The following ZNHIT6 variants were observed in gnomAD, a reference collection of about 807,000 sequenced individuals.
The protein encoded by ZNHIT6 is zinc finger HIT-type containing 6, also known as box C/D snoRNA protein 1.
In ZNHIT6, 45 loss-of-function variants were observed where a neutral mutation model predicts 57.2. The observed-to-expected ratio is 0.79, with a 90% CI of 0.62 to 1.01. The LOEUF is 1.01. Ranked by LOEUF, ZNHIT6 falls within the 50% of genes least tolerant of loss-of-function variation. The probability of loss-of-function intolerance (pLI) is 0.00; values close to 1 mark genes in which losing one functional copy is unlikely to be tolerated. For synonymous variants in ZNHIT6, 188 were observed against 190.0 expected (o/e 0.99, Z 0.09); for missense variants, 528 against 567.3 (o/e 0.93, Z 0.70).
At chr1:85,679,082 C>T (rs1486999156) in intron 6 of ZNHIT6, among the ~76,000 whole-genome samples, 1 of 151,786 alleles carries the variant, frequency 6.6e-6, no homozygotes. Context: ...CATGAAAAGA[C>T]GAGGTCAGGA....
At chr1:85,690,429 A>G (rs2100699617) in intron 5 of ZNHIT6, among the ~76,000 whole-genome samples, 1 of 152,336 alleles carries the variant, frequency 6.6e-6, no homozygotes, top group East Asian at 1.9e-4. Flanking sequence ...ACCTAGAAAT[A>G]AAAACTATTT....
At chr1:85,668,996 A>C (rs2995537) in intron 8 of ZNHIT6, among the ~76,000 whole-genome samples, 61,310 of 151,974 alleles carry the variant, frequency 0.4, 13,545 homozygotes, top group South Asian at 0.57. Flanking sequence ...GTAAAAAAAA[A>C]AAATGTAGGT....
chr1:85,678,876 G>A, intron 6 of ZNHIT6, 95 bp from the exon 7 acceptor site: 1 of 651,634 alleles, frequency 1.5e-6, no homozygotes, highest in South Asian at 2.6e-5. Context: ...TGGCTTTTTT[G>A]GTTTAAATAA....
At position 85,708,144 on chromosome 1, in the gene ZNHIT6, C is replaced by A. The variant is rs1167073572; in HGVS notation, c.141G>T (p.Glu47Asp). The A allele has an allele frequency of 1.2e-6, 2 of 1,614,068 alleles. No homozygotes were observed. The highest frequency in any genetic ancestry group is 2.7e-5 in the African/African-American group (2 of 74,934). Residue 47 changes from glutamate to aspartate, a missense_variant, in exon 1 of 10, where the codon GAG becomes GAT. Coordinates refer to ENST00000370574, the MANE Select transcript of ZNHIT6 (RefSeq NM_017953.4). ...AGAEEFGGGE[E>D]GTGLTGIKEI... Reference sequence around the variant, plus strand: ...CCTTTATCCCTGTCAGCCCTGTCCCCTCCTCTCCGCCGCCGAACTCCTCCG... The same window carrying A: ...CCTTTATCCCTGTCAGCCCTGTCCCATCCTCTCCGCCGCCGAACTCCTCCG...
rs11394559 is a variant in ZNHIT6, at chr1:85,682,016, CT to C, written c.1020-1113del. Among the ~76,000 whole-genome samples the C allele has an allele frequency of 2.5e-3, 325 of 132,278 alleles. 5 individuals are homozygous for C. Among genetic ancestry groups the C allele is most frequent in the African/African-American group, 8.4e-3 (294 of 35,192 alleles). The allele number at this position is 132,278 out of a possible 152,430, so 86.8% of individuals were successfully genotyped here. On this transcript the variant is annotated intron_variant, in intron 5 of 9. Transcript: ENST00000370574. ...TAAGAAATAAACAGATTTTGTTCATCTTTTTTTTTTTTTTTGAGACGGAGTT... is the reference window on the plus strand; with the variant it reads ...TAAGAAATAAACAGATTTTGTTCATCTTTTTTTTTTTTTTGAGACGGAGTT...
At chr1:85,666,115 T>C (rs1318325212) in intron 8 of ZNHIT6, among the ~76,000 whole-genome samples, 1 of 152,144 alleles carries the variant, frequency 6.6e-6, no homozygotes, top group Non-Finnish European at 1.5e-5. Context: ...AATACAATGG[T>C]GTACTATAAG....
chr1:85,667,418 T>C (rs887603819), intron 8 of ZNHIT6, among the ~76,000 whole-genome samples: 2 of 152,152 alleles, frequency 1.3e-5, no homozygotes, highest in Admixed American at 6.5e-5. Context: ...GGCCTTCACA[T>C]TGTTTTGCTT....
chr1:85,671,941 T>G (rs1661566853), intron 8 of ZNHIT6, among the ~76,000 whole-genome samples: 2 of 152,162 alleles, frequency 1.3e-5, no homozygotes, highest in African/African-American at 4.8e-5. Flanking sequence ...AAATGTACTA[T>G]TTGTAATGGT....
At chr1:85,675,586 T>C (rs1661676842) in intron 8 of ZNHIT6, among the ~76,000 whole-genome samples, 1 of 152,186 alleles carries the variant, frequency 6.6e-6, no homozygotes, top group East Asian at 1.9e-4. Flanking sequence ...GCTTCAACTT[T>C]AAGTCCCCAG....
chr1:85,696,630 A>G (rs899242788), intron 5 of ZNHIT6, among the ~76,000 whole-genome samples: 15 of 152,194 alleles, frequency 9.9e-5, no homozygotes, highest in South Asian at 6.2e-4. Context: ...GTACTTACTT[A>G]TAACATTTTA....
chr1:85,673,148 T>C (rs952297363), intron 8 of ZNHIT6, among the ~76,000 whole-genome samples: 1 of 152,156 alleles, frequency 6.6e-6, no homozygotes, highest in African/African-American at 2.4e-5. Context: ...AACACAAGCA[T>C]CTTACATGAA....
intron 5 of ZNHIT6, among the ~76,000 whole-genome samples, chr1:85,697,557 A>C (rs190322976): frequency 1.4e-4 from 22 of 152,304 alleles, no homozygotes; most frequent in African/African-American, 4.8e-4. Flanking sequence ...TATACTATTT[A>C]TTTTCTATGA....
At chr1:85,667,946 T>TAAAAAAAAAAAAAAAAAAAAAAAA (rs1471641849) in intron 8 of ZNHIT6, among the ~76,000 whole-genome samples, 1 of 3,740 alleles carries the variant, frequency 2.7e-4, no homozygotes, top group Non-Finnish European at 5.4e-4. Flanking sequence ...ACTCTCTCTT[T>TAAAAAAAAAAAAAAAAAAAAAAAA]CAAAAAAAAA....
chr1:85,685,621 G>A (rs1570314801), intron 5 of ZNHIT6, among the ~76,000 whole-genome samples: 1 of 151,926 alleles, frequency 6.6e-6, no homozygotes, highest in East Asian at 1.9e-4. Context: ...TCTGTCGCCT[G>A]GGCTGGAGTG....
At chr1:85,691,907 G>A (rs959672872) in intron 5 of ZNHIT6, among the ~76,000 whole-genome samples, 1 of 152,048 alleles carries the variant, frequency 6.6e-6, no homozygotes, top group Non-Finnish European at 1.5e-5. Flanking sequence ...GGTGGTTCAT[G>A]CCTGTAATCC....
chr1:85,697,186 C>G (rs1662398728), intron 5 of ZNHIT6, among the ~76,000 whole-genome samples: 1 of 152,090 alleles, frequency 6.6e-6, no homozygotes, highest in Non-Finnish European at 1.5e-5. Flanking sequence ...CTATTCTTAT[C>G]CTCTGCCCCT....
intron 8 of ZNHIT6, among the ~76,000 whole-genome samples, chr1:85,674,907 AAC>A (rs869243468): frequency 6.6e-6 from 1 of 151,466 alleles, no homozygotes; most frequent in South Asian, 2.1e-4. Flanking sequence ...ATAAAAGATA[AAC>A]AGGGGATACT....
chr1:85,677,800 A>T (rs1031865220), intron 7 of ZNHIT6, among the ~76,000 whole-genome samples: 1 of 152,196 alleles, frequency 6.6e-6, no homozygotes, highest in South Asian at 2.1e-4. Flanking sequence ...TTTAAATACC[A>T]GGTTATTCTG....
chr1:85,651,847 T>C lies in ZNHIT6; in HGVS notation c.*2211A>G, dbSNP rs1660920016. The C allele has an allele frequency of 6.6e-6, 1 of 152,196 alleles. No individual in the cohort carries two copies. The highest frequency in any genetic ancestry group is 1.5e-5 in the Non-Finnish European group (1 of 68,032). The allele number at this position is 152,196 out of a possible 1,614,324, so 9.4% of individuals were successfully genotyped here. A position where few individuals can be genotyped will look rare whatever the true frequency, so the allele number is the denominator to read the frequency against. On this transcript the variant is annotated 3_prime_UTR_variant, in exon 10 of 10. Coordinates refer to ENST00000370574, the MANE Select transcript of ZNHIT6 (RefSeq NM_017953.4). The stretch of plus-strand genomic sequence containing the variant: ...ACAAACATCTAGGGTTTTCAGTTAG[T>C]TATTCCAATTTCATTCTCTCCAAGC...
Sources: gnomAD v4.1 joint callset for allele counts (sites outside exome capture counted in the v4.1 genomes callset) on GRCh38, gnomAD v4.1.1 for gene constraint, MANE v1.5 for transcripts, NCBI Gene and HGNC (gene_info 2026-07-23, HGNC 2026-07-21) for gene names.